Variants in IL1R1 observed in about 807,000 individuals in gnomAD.
The protein encoded by IL1R1 is interleukin 1 receptor type 1, also known as interleukin-1 receptor type 1.
IL1R1 carries 22 observed loss-of-function variants against 50.2 expected under a neutral mutation model. That is an observed-to-expected ratio of 0.44 (90% CI 0.31 to 0.63). IL1R1 has a LOEUF of 0.63. Among genes scored for constraint, IL1R1 ranks in the 20% least tolerant of loss-of-function variants. IL1R1 has a pLI of 0.07. For synonymous variants in IL1R1, 251 were observed against 236.7 expected (o/e 1.06, Z -0.55); for missense variants, 509 against 676.2 (o/e 0.75, Z 2.74).
intron 1 of IL1R1, among the ~76,000 whole-genome samples, chr2:102,127,939 C>T (rs1681816270): frequency 6.6e-6 from 1 of 152,188 alleles, no homozygotes; most frequent in African/African-American, 2.4e-5. Flanking sequence ...TCTTATGAAA[C>T]TTCTCATTCC....
chr2:102,099,803 T>G (rs895786916), upstream of IL1R1, among the ~76,000 whole-genome samples: 2 of 152,224 alleles, frequency 1.3e-5, no homozygotes, highest in African/African-American at 4.8e-5. Flanking sequence ...TCATATGCCC[T>G]GTCCTGTACT....
intron 2 of IL1R1, 99 bp from the exon 3 acceptor site, chr2:102,157,620 G>A: frequency 1.4e-6 from 1 of 736,018 alleles, no homozygotes; most frequent in Non-Finnish European, 2.4e-6. Flanking sequence ...TGTGGGTGAG[G>A]GTGGGGACAG....
intron 1 of IL1R1, among the ~76,000 whole-genome samples, chr2:102,150,670 G>T (rs149971634): frequency 1.3e-5 from 2 of 152,170 alleles, no homozygotes; most frequent in African/African-American, 4.8e-5. Context: ...ACATAAAGCC[G>T]TGGTGTGCTG....
In IL1R1 at chr2:102,172,371, C is replaced by T. The variant is rs1685764388; in HGVS notation, c.840-316C>T. The stretch of plus-strand genomic sequence containing the variant: ...CAACACCTGCAAAGCACTTTGTCAT[C>T]TGCCCCAATCTCCTCTTGTTTAGTG... On this transcript the variant is annotated intron_variant, in intron 8 of 11. Transcript: ENST00000410023. 3.0e-6 allele frequency: 3 copies of T among 985,256 alleles called. No individual in the cohort carries two copies. In the South Asian group the frequency reaches 1.4e-4, roughly 46 times the overall value. 61.0% of individuals were successfully genotyped at this position (985,256 alleles called of 1,614,324 possible).
chr2:102,091,725 C>T (rs530865183), intron 1 of IL1R1, among the ~76,000 whole-genome samples: 98 of 152,320 alleles, frequency 6.4e-4, no homozygotes, highest in African/African-American at 2.3e-3. Context: ...CATATGCTTT[C>T]TATCTAACTG....
At chr2:102,169,746 A>G (rs562507910) in intron 7 of IL1R1, among the ~76,000 whole-genome samples, 15 of 152,380 alleles carry the variant, frequency 9.8e-5, no homozygotes, top group Middle Eastern at 3.4e-3. Context: ...AGAAACAAAA[A>G]TGTCAAAACT....
At chr2:102,082,371 A>G (rs895098603) in intron 1 of IL1R1, among the ~76,000 whole-genome samples, 14 of 152,188 alleles carry the variant, frequency 9.2e-5, no homozygotes, top group African/African-American at 3.4e-4. Context: ...AATCTTCTCA[A>G]AAAGGATTAT....
At chr2:102,082,826 C>T (rs1421305733) in intron 1 of IL1R1, among the ~76,000 whole-genome samples, 3 of 152,148 alleles carry the variant, frequency 2.0e-5, no homozygotes, top group Non-Finnish European at 4.4e-5. Context: ...GCTGTAACCT[C>T]GCTGGCTGGG....
intron 1 of IL1R1, among the ~76,000 whole-genome samples, chr2:102,125,387 C>T (rs1681651277): frequency 6.6e-6 from 1 of 152,174 alleles, no homozygotes; most frequent in Admixed American, 6.5e-5. Flanking sequence ...ACAATGTCTC[C>T]TGTTCTTCTT....
intron 1 of IL1R1, among the ~76,000 whole-genome samples, chr2:102,081,548 A>T (rs1258496842): frequency 6.6e-6 from 1 of 152,222 alleles, no homozygotes; most frequent in African/African-American, 2.4e-5. Flanking sequence ...ACAGGAAATA[A>T]CAGCTCCTTC....
chr2:102,105,490 G>C (rs757677561), intron 1 of IL1R1, among the ~76,000 whole-genome samples: 1 of 152,050 alleles, frequency 6.6e-6, no homozygotes, highest in Non-Finnish European at 1.5e-5. Flanking sequence ...TCAGCCTCCC[G>C]AGTAGCTGGG....
intron 1 of IL1R1, among the ~76,000 whole-genome samples, chr2:102,112,519 G>A (rs1680829149): frequency 6.6e-6 from 1 of 152,082 alleles, no homozygotes; most frequent in South Asian, 2.1e-4. Flanking sequence ...GGAAAGGAGG[G>A]CAGGGCTTGC....
At chr2:102,070,546 A>G (rs563105420) in intron 1 of IL1R1, 1 of 152,274 alleles carries the variant, frequency 6.6e-6, no homozygotes, top group East Asian at 1.9e-4. Flanking sequence ...AAGGTTTTAA[A>G]GGGCCCGCCC....
chr2:102,153,446 T>C (rs766645994), intron 1 of IL1R1, among the ~76,000 whole-genome samples: 5 of 152,200 alleles, frequency 3.3e-5, no homozygotes, highest in Non-Finnish European at 5.9e-5. Context: ...AACATACACT[T>C]GTTAAACACT....
chr2:102,112,341 TGTGA>T (rs1255512536), intron 1 of IL1R1, among the ~76,000 whole-genome samples: 3 of 147,794 alleles, frequency 2.0e-5, no homozygotes, highest in Non-Finnish European at 4.5e-5. Context: ...TGTGTGTGAG[TGTGA>T]GTGTGTGTGT....
At chr2:102,101,871 C>T (rs1333566467), upstream of IL1R1, among the ~76,000 whole-genome samples, 1 of 152,154 alleles carries the variant, frequency 6.6e-6, no homozygotes, top group African/African-American at 2.4e-5. Context: ...TATCCATTAA[C>T]TTCTGATATT....
At chr2:102,106,436 T>C (rs1475219332) in intron 1 of IL1R1, among the ~76,000 whole-genome samples, 1 of 152,238 alleles carries the variant, frequency 6.6e-6, no homozygotes, top group Non-Finnish European at 1.5e-5. Flanking sequence ...CACTACATGC[T>C]ATTGTTAATC....
intron 1 of IL1R1, among the ~76,000 whole-genome samples, chr2:102,115,251 C>A (rs1681004717): frequency 6.6e-6 from 1 of 152,124 alleles, no homozygotes; most frequent in African/African-American, 2.4e-5. Flanking sequence ...GTAAATTACC[C>A]AAGTAAACAA....
intron 1 of IL1R1, among the ~76,000 whole-genome samples, chr2:102,133,240 T>C (rs1227125049): frequency 4.1e-5 from 2 of 48,258 alleles, no homozygotes; most frequent in African/African-American, 9.9e-5. Flanking sequence ...CAAGACTCTG[T>C]CTCAAAAAAA....
Sources: gnomAD v4.1 joint callset for allele counts (sites outside exome capture counted in the v4.1 genomes callset) on GRCh38, gnomAD v4.1.1 for gene constraint, MANE v1.5 for transcripts, NCBI Gene and HGNC (gene_info 2026-07-23, HGNC 2026-07-21) for gene names.